The following IGF2 variants were observed in gnomAD, a reference collection of about 807,000 sequenced individuals.
IGF2 encodes insulin-like growth factor 2.
Under a neutral mutation model 12.0 loss-of-function variants are expected in IGF2, and 2 were observed. The observed-to-expected ratio is 0.17, with a 90% confidence interval of 0.07 to 0.52. IGF2 has a LOEUF of 0.52. IGF2 is among the 20% of genes least tolerant of loss of function. The pLI, the probability that IGF2 is intolerant of heterozygous loss-of-function variation, is 0.95. For synonymous variants in IGF2, 105 were observed against 110.1 expected (o/e 0.95, Z 0.29); for missense variants, 211 against 268.0 (o/e 0.79, Z 1.48).
Position 2,138,487 on chromosome 11 carries a change from C to T in IGF2, c.-265G>A. On this transcript the variant is annotated 5_prime_UTR_variant, in exon 1 of 4. Coordinates refer to ENST00000416167, the MANE Select transcript of IGF2 (RefSeq NM_000612.6). ...GTACTTTTCGGGGGGGAAAAGGTAT[C>T]GGGAAATGAGGTCAGCTGTTGTATC... 2.2e-6 allele frequency: 2 copies of T among 919,026 alleles called. No homozygotes were observed. Among genetic ancestry groups the T allele is most frequent in the Non-Finnish European group, 2.5e-6 (2 of 789,512 alleles). 56.9% of individuals were successfully genotyped at this position (919,026 alleles called of 1,614,324 possible).
upstream of IGF2, among the ~76,000 whole-genome samples, chr11:2,145,259 G>A (rs543997175): frequency 7.9e-5 from 12 of 152,212 alleles, no homozygotes; most frequent in Non-Finnish European, 1.2e-4. Flanking sequence ...CCCTGGCTGT[G>A]TTGATGTTTT....
chr11:2,147,526 G>A, the IGF2 span: 1 of 877,358 alleles, frequency 1.1e-6, no homozygotes, highest in Non-Finnish European at 1.5e-6. This position sits in a 1 kb window ranked among gnomAD's most constrained non-coding sequence, Gnocchi z 7.2. Flanking sequence ...CAGAGCCTGT[G>A]GCCCTCTCTG....
intron 1 of IGF2, chr11:2,137,160 G>A: frequency 1.1e-6 from 1 of 892,616 alleles, no homozygotes; most frequent in African/African-American, 1.8e-5. Context: ...GATGGCAGCG[G>A]GGGTCCTCAC....
In IGF2 at chr11:2,132,938, G is replaced by A. The variant is rs1858712100; in HGVS notation, c.*49C>T. The A allele has an allele frequency of 8.0e-7, 1 of 1,250,416 alleles. No individual in the cohort carries two copies. Among genetic ancestry groups the A allele is most frequent in the Non-Finnish European group, 1.1e-6 (1 of 904,032 alleles). The allele number at this position is 1,250,416 out of a possible 1,614,324, so 77.5% of individuals were successfully genotyped here. On this transcript the variant is annotated 3_prime_UTR_variant, in exon 4 of 4. Transcript: ENST00000416167. ...CTGATGGAAACGTCCGTGGTCAGGA[G>A]GAGGCTGCAGGATGGTGGCGCCGGG...
In IGF2 at chr11:2,131,342, C is replaced by A. The variant is rs1858532866; in HGVS notation, c.*1645G>T. 1 of 233,342 alleles carries A rather than the reference C, an allele frequency of 4.3e-6. No individual in the cohort carries two copies. Among genetic ancestry groups the A allele is most frequent in the Non-Finnish European group, 8.5e-6 (1 of 118,074 alleles). The allele number at this position is 233,342 out of a possible 1,614,324, so 14.5% of individuals were successfully genotyped here. On this transcript the variant is annotated 3_prime_UTR_variant, in exon 4 of 4. Coordinates refer to ENST00000416167, the MANE Select transcript of IGF2 (RefSeq NM_000612.6). ...TCAGACCATGAAAACATTGGAGAAT[C>A]TTAGCGGGACTTTGGCCTGATCCAT... is the stretch of plus-strand genomic sequence containing the variant.
At chr11:2,134,971 C>T (rs1858894545) in intron 2 of IGF2, among the ~76,000 whole-genome samples, 1 of 152,202 alleles carries the variant, frequency 6.6e-6, no homozygotes, top group Non-Finnish European at 1.5e-5. Context: ...ACCGAACGCA[C>T]GTCCCTTGTC....
intron 1 of IGF2, among the ~76,000 whole-genome samples, 161 bp downstream of exon 1, chr11:2,138,068 G>T (rs1859211290): frequency 6.6e-6 from 1 of 151,148 alleles, no homozygotes; most frequent in South Asian, 2.1e-4. Flanking sequence ...ACCCGCAGCC[G>T]TCCGTCCTCC....
upstream of IGF2, chr11:2,140,410 A>T (rs1382493737): frequency 2.0e-6 from 2 of 994,810 alleles, no homozygotes; most frequent in African/African-American, 1.7e-5. Context: ...AGCCAAGGGG[A>T]AGGGGCCGCC....
At chr11:2,145,638 G>A (rs1487591133), upstream of IGF2, among the ~76,000 whole-genome samples, 3 of 152,210 alleles carry the variant, frequency 2.0e-5, no homozygotes, top group Non-Finnish European at 4.4e-5. Context: ...ACTTTTTAAG[G>A]TAGGAAGAAG....
upstream of IGF2, chr11:2,139,538 A>G (rs1486080961): frequency 2.0e-4 from 13 of 66,042 alleles, no homozygotes; most frequent in African/African-American, 8.6e-4. Flanking sequence ...CCGAGCCAAG[A>G]GCGGGGCGGG....
upstream of IGF2, among the ~76,000 whole-genome samples, chr11:2,139,585 G>GC (rs1303373220): frequency 2.7e-5 from 4 of 145,702 alleles, no homozygotes; most frequent in African/African-American, 1.0e-4. Flanking sequence ...CCGGGGGGGG[G>GC]GCGGCGGTCG....
chr11:2,136,429 A>T (rs1310322651), intron 1 of IGF2, among the ~76,000 whole-genome samples: 3 of 152,198 alleles, frequency 2.0e-5, no homozygotes, highest in Admixed American at 1.3e-4. Flanking sequence ...CCCAGACTAC[A>T]ATCTGGAAGG....
chr11:2,131,018 A>G lies in IGF2; in HGVS notation c.*1969T>C. On this transcript the variant is annotated 3_prime_UTR_variant, in exon 4 of 4. Transcript: ENST00000416167. ...TCCAATGTGGCCAAACTCCTTCCTCACTCTGGCTGGGCCAACACACAGTAA... is the reference window on the plus strand; with the variant it reads ...TCCAATGTGGCCAAACTCCTTCCTCGCTCTGGCTGGGCCAACACACAGTAA... The G allele has an allele frequency of 8.7e-6, 2 of 228,834 alleles. No individual in the cohort carries two copies. Among genetic ancestry groups the G allele is most frequent in the Non-Finnish European group, 1.7e-5 (2 of 115,556 alleles). The allele number at this position is 228,834 out of a possible 1,614,324, so 14.2% of individuals were successfully genotyped here.
intron 1 of IGF2, among the ~76,000 whole-genome samples, chr11:2,137,529 AGGG>A (rs112129175): frequency 2.1e-5 from 3 of 145,576 alleles, no homozygotes; most frequent in Non-Finnish European, 3.0e-5. Flanking sequence ...AGGGCAGTGA[AGGG>A]GGGGGGGGTC....
chr11:2,132,428 A>T lies in IGF2; in HGVS notation c.*559T>A. On this transcript the variant is annotated 3_prime_UTR_variant, in exon 4 of 4. Coordinates refer to ENST00000416167, the MANE Select transcript of IGF2 (RefSeq NM_000612.6). ...GTCCTTCTTTTCTCTTTGCTGGTTC[A>T]GGGACTCAAGTCCAGGCCAATTTGA... 1.1e-5 allele frequency: 2 copies of T among 189,932 alleles called. No individual in the cohort carries two copies. Among genetic ancestry groups the T allele is most frequent in the East Asian group, 8.2e-5 (1 of 12,202 alleles). The allele number at this position is 189,932 out of a possible 1,614,324, so 11.8% of individuals were successfully genotyped here.
chr11:2,131,328 A>T lies in IGF2; in HGVS notation c.*1659T>A, dbSNP rs1327833997. On this transcript the variant is annotated 3_prime_UTR_variant, in exon 4 of 4. Transcript: ENST00000416167. Reference sequence around the variant, plus strand: ...AACAGGAGCGGGGCTCAGACCATGAAAACATTGGAGAATCTTAGCGGGACT... The same window carrying T: ...AACAGGAGCGGGGCTCAGACCATGATAACATTGGAGAATCTTAGCGGGACT... 1 of 233,226 alleles carries T rather than the reference A, an allele frequency of 4.3e-6. No individual in the cohort carries two copies. Among genetic ancestry groups the T allele is most frequent in the Admixed American group, 5.6e-5 (1 of 17,780 alleles). The allele number at this position is 233,226 out of a possible 1,614,324, so 14.4% of individuals were successfully genotyped here.
the IGF2 span, chr11:2,147,841 C>T: frequency 4.9e-5 from 60 of 1,232,500 alleles, no homozygotes; most frequent in Non-Finnish European, 6.1e-5. This position sits in a 1 kb window ranked among gnomAD's most constrained non-coding sequence, Gnocchi z 7.2. Flanking sequence ...GCTGAGATGA[C>T]CTCTTTTAAA....
chr11:2,140,725 C>T (rs12807478), upstream of IGF2: 9,996 of 403,876 alleles, frequency 0.025, 185 homozygotes, highest in Non-Finnish European at 0.035. Flanking sequence ...GCAGCCGTGT[C>T]CCGCGCCCCA....
the IGF2 span, chr11:2,147,668 G>A: frequency 8.0e-7 from 1 of 1,250,796 alleles, no homozygotes; most frequent in Non-Finnish European, 1.0e-6. The surrounding 1 kb of genome is among the most constrained non-coding windows in gnomAD (Gnocchi z 7.2). Flanking sequence ...CTCACCTCAG[G>A]ACTGGGCTCT....
Sources: allele counts gnomAD v4.1 joint callset (sites outside exome capture counted in the v4.1 genomes callset), GRCh38; gene constraint gnomAD v4.1.1; non-coding constraint Gnocchi (gnomAD v3.1); transcripts MANE v1.5; gene names NCBI Gene and HGNC (gene_info 2026-07-23, HGNC 2026-07-21).